Variants in ASTN2 observed in about 807,000 individuals in gnomAD.
The protein encoded by ASTN2 is astrotactin 2.
In ASTN2, 54 loss-of-function variants were observed where a neutral mutation model predicts 139.8. The observed-to-expected ratio is 0.39, with a 90% CI of 0.31 to 0.48. The LOEUF is 0.48. ASTN2 is among the 20% of genes least tolerant of loss of function. The pLI is 0.95. For synonymous variants in ASTN2, 756 were observed against 719.5 expected (o/e 1.05, Z -0.81); for missense variants, 1,565 against 1,725.1 (o/e 0.91, Z 1.64).
intron 13 of ASTN2, among the ~76,000 whole-genome samples, chr9:116,774,967 G>C (rs1378665931): frequency 2.0e-5 from 3 of 152,212 alleles, no homozygotes; most frequent in African/African-American, 4.8e-5. Context: ...TCAGCTAGCT[G>C]TTTGGTCTGG....
At chr9:116,688,346 TTGTGGATTGG>T (rs1480278504) in intron 16 of ASTN2, among the ~76,000 whole-genome samples, 2 of 151,894 alleles carry the variant, frequency 1.3e-5, no homozygotes, top group African/African-American at 2.4e-5. Context: ...CTGAGTAGAT[TTGTGGATTGG>T]TGTCTTGGGC....
chr9:117,322,922 G>A, intron 1 of ASTN2, among the ~76,000 whole-genome samples: 1 of 152,094 alleles, frequency 6.6e-6, no homozygotes, highest in South Asian at 2.1e-4. Context: ...AACCTTTCCA[G>A]TAATGGGGAC....
chr9:117,157,755 G>T (rs562068244), intron 3 of ASTN2, among the ~76,000 whole-genome samples: 9 of 152,114 alleles, frequency 5.9e-5, no homozygotes, highest in African/African-American at 2.2e-4. Flanking sequence ...CTATAGGGTT[G>T]GTGCTATAGA....
At chr9:116,554,908 A>T (rs570967346) in intron 19 of ASTN2, among the ~76,000 whole-genome samples, 25 of 152,298 alleles carry the variant, frequency 1.6e-4, no homozygotes, top group African/African-American at 6.0e-4. Flanking sequence ...TGTGAAGGTG[A>T]TGCTCAGATG....
intron 2 of ASTN2, among the ~76,000 whole-genome samples, chr9:117,232,143 A>G (rs1832911723): frequency 6.6e-6 from 1 of 152,174 alleles, no homozygotes; most frequent in South Asian, 2.1e-4. Context: ...CAATTACAAA[A>G]GCATCTAGGA....
chr9:116,597,762 G>A (rs1854665807), intron 19 of ASTN2, among the ~76,000 whole-genome samples: 1 of 152,074 alleles, frequency 6.6e-6, no homozygotes, highest in South Asian at 2.1e-4. Context: ...CTCTACATTG[G>A]GTAGAGGGCT....
At chr9:117,371,235 C>T (rs188755207) in intron 1 of ASTN2, among the ~76,000 whole-genome samples, 9 of 152,002 alleles carry the variant, frequency 5.9e-5, no homozygotes, top group East Asian at 1.9e-4. Flanking sequence ...ATAACAATCC[C>T]GAGGGAAGGC....
intron 22 of ASTN2, chr9:116,437,214 A>G (rs1847683749): frequency 5.0e-6 from 2 of 403,224 alleles, no homozygotes; most frequent in Admixed American, 6.9e-5. Flanking sequence ...AATAAAAAAT[A>G]CCACTGTTCT....
chr9:117,333,858 T>C (rs1564151647), intron 1 of ASTN2, among the ~76,000 whole-genome samples: 2 of 152,196 alleles, frequency 1.3e-5, no homozygotes, highest in Non-Finnish European at 2.9e-5. Flanking sequence ...AAGGTCTCTC[T>C]GAGCCACATG....
chr9:117,282,683 T>C (rs1211750154), intron 2 of ASTN2, among the ~76,000 whole-genome samples: 2 of 136,826 alleles, frequency 1.5e-5, no homozygotes, highest in Non-Finnish European at 2.9e-5. Flanking sequence ...CATCCTATAT[T>C]TTTGCCAGCT....
At chr9:116,941,087 T>C (rs1835214618) in intron 10 of ASTN2, among the ~76,000 whole-genome samples, 1 of 152,158 alleles carries the variant, frequency 6.6e-6, no homozygotes, top group Admixed American at 6.6e-5. Flanking sequence ...TCTTTGATGT[T>C]TGCACAATGA....
intron 5 of ASTN2, among the ~76,000 whole-genome samples, chr9:117,058,350 C>G (rs1429827648): frequency 1.3e-5 from 2 of 152,060 alleles, no homozygotes; most frequent in African/African-American, 4.8e-5. Flanking sequence ...CTGAAGTATT[C>G]CCTTGTTTCA....
At chr9:117,367,569 G>A (rs1018924244) in intron 1 of ASTN2, among the ~76,000 whole-genome samples, 10 of 152,228 alleles carry the variant, frequency 6.6e-5, no homozygotes, top group Admixed American at 6.5e-4. Context: ...TTGAACATAT[G>A]AGTTCCTTCT....
intron 19 of ASTN2, chr9:116,613,590 G>C (rs1463492060): frequency 6.4e-6 from 1 of 155,462 alleles, no homozygotes; most frequent in African/African-American, 2.4e-5. Context: ...ATCAATAAAT[G>C]TAATCCAGCA....
At chr9:117,218,316 G>T (rs1158625383) in intron 2 of ASTN2, among the ~76,000 whole-genome samples, 2 of 152,312 alleles carry the variant, frequency 1.3e-5, no homozygotes, top group African/African-American at 2.4e-5. Context: ...TTAGGGCACA[G>T]GTTCATTGTC....
At chr9:117,369,628 T>C (rs1426455295) in intron 1 of ASTN2, among the ~76,000 whole-genome samples, 1 of 152,122 alleles carries the variant, frequency 6.6e-6, no homozygotes, top group Non-Finnish European at 1.5e-5. Context: ...AAACACTCTT[T>C]GAAGGCAGAA....
intron 2 of ASTN2, among the ~76,000 whole-genome samples, chr9:117,231,364 A>G (rs17402763): frequency 0.024 from 3,653 of 152,318 alleles, 71 homozygotes; most frequent in South Asian, 0.089. Context: ...GTGTATGCCA[A>G]TGTAGCTTCT....
chr9:116,581,500 A>G (rs559427836), intron 19 of ASTN2, among the ~76,000 whole-genome samples: 2 of 152,312 alleles, frequency 1.3e-5, no homozygotes, highest in South Asian at 4.1e-4. Flanking sequence ...AAGATAATAT[A>G]TAGACATGCA....
intron 2 of ASTN2, among the ~76,000 whole-genome samples, chr9:117,233,000 TC>T (rs1832943088): frequency 6.6e-6 from 1 of 152,112 alleles, no homozygotes; most frequent in Admixed American, 6.6e-5. Flanking sequence ...ATTATCTACT[TC>T]CTTCCCTGGC....
Sources: allele counts gnomAD v4.1 joint callset (sites outside exome capture counted in the v4.1 genomes callset), GRCh38; gene constraint gnomAD v4.1.1; transcripts MANE v1.5; gene names NCBI Gene and HGNC (gene_info 2026-07-23, HGNC 2026-07-21).